The following TRIM38 variants were observed in gnomAD, a reference collection of about 807,000 sequenced individuals.
TRIM38 encodes tripartite motif containing 38, also known as E3 ubiquitin-protein ligase TRIM38.
TRIM38 carries 35 observed loss-of-function variants against 35.8 expected under a neutral mutation model. The observed-to-expected ratio is 0.98, with a 90% CI of 0.75 to 1.30. TRIM38 has a LOEUF of 1.30. Among genes scored for constraint, TRIM38 ranks in the 50% most tolerant of loss-of-function variants. The pLI, the probability that TRIM38 is intolerant of heterozygous loss-of-function variation, is 0.00. For missense variants in TRIM38, 545 were observed against 556.9 expected (o/e 0.98, Z 0.21); for synonymous variants, 198 against 204.7 (o/e 0.97, Z 0.28).
Position 25,985,277 on chromosome 6 carries a change from G to C in TRIM38, c.*1590G>C, listed in dbSNP as rs1041277490. 1.5e-5 allele frequency: 2 copies of C among 131,272 alleles called. No homozygotes were observed. The highest frequency in any genetic ancestry group is 5.9e-5 in the African/African-American group (2 of 34,096). The allele number at this position is 131,272 out of a possible 1,614,324, so 8.1% of individuals were successfully genotyped here. ...TCTTATCAGCCTGGACATAGCACCA[G>C]AGAAGTCTTTTTTTTTAAAAAAAAA... On this transcript the variant is annotated 3_prime_UTR_variant, in exon 8 of 8. Transcript: ENST00000357085.
At position 25,985,761 on chromosome 6, in the gene TRIM38, G is replaced by A. The variant is rs1048203412; in HGVS notation, c.*2074G>A. The stretch of plus-strand genomic sequence containing the variant: ...CTTCTCTACCTCTTGGCATCCCACA[G>A]TCCTGTGTTAATGTAAGTGTGGTCT... On this transcript the variant is annotated 3_prime_UTR_variant, in exon 8 of 8. Transcript: ENST00000357085. 18 of 152,178 alleles carry A rather than the reference G, an allele frequency of 1.2e-4. No homozygotes were observed. Among genetic ancestry groups the A allele is most frequent in the African/African-American group, 4.3e-4 (18 of 41,436 alleles). The allele number at this position is 152,178 out of a possible 1,614,324, so 9.4% of individuals were successfully genotyped here.
At chr6:25,967,524 CTTTT>C (rs34579913) in intron 3 of TRIM38, among the ~76,000 whole-genome samples, 6 of 90,892 alleles carry the variant, frequency 6.6e-5, no homozygotes, top group African/African-American at 2.4e-4. Flanking sequence ...GGTACCTCTA[CTTTT>C]TTTTTTTTTT....
intron 3 of TRIM38, among the ~76,000 whole-genome samples, chr6:25,968,125 T>C (rs1016737804): frequency 6.6e-6 from 1 of 152,142 alleles, no homozygotes; most frequent in African/African-American, 2.4e-5. Flanking sequence ...AAATGTTGTC[T>C]CCAGTGTCAG....
Position 25,989,288 on chromosome 6 carries a change from T to C in TRIM38, c.*5601T>C, listed in dbSNP as rs1760789862. 6.6e-6 allele frequency: 1 copy of C among 152,198 alleles called. No homozygotes were observed. The highest frequency in any genetic ancestry group is 2.1e-4 in the South Asian group (1 of 4,836). 9.4% of individuals were successfully genotyped at this position (152,198 alleles called of 1,614,324 possible). ...AAGTATTCTTTGTATATTCTAAAAA[T>C]ATTGTTCTTCATCAGATCTGTCTTT... On this transcript the variant is annotated 3_prime_UTR_variant, in exon 8 of 8. Coordinates refer to ENST00000357085, the MANE Select transcript of TRIM38 (RefSeq NM_006355.5).
At position 25,989,982 on chromosome 6, in the gene TRIM38, C is replaced by A. The variant is rs1760801622; in HGVS notation, c.*6295C>A. On this transcript the variant is annotated 3_prime_UTR_variant, in exon 8 of 8. Transcript: ENST00000357085. ...TTCACTATGTATTTGCAGAAAATGG[C>A]TTTCAATATTGTCTACTTTATCATC... 1 of 148,714 alleles carries A rather than the reference C, an allele frequency of 6.7e-6. No homozygotes were observed. Among genetic ancestry groups the A allele is most frequent in the Non-Finnish European group, 1.5e-5 (1 of 67,468 alleles). 9.2% of individuals were successfully genotyped at this position (148,714 alleles called of 1,614,324 possible). A position where few individuals can be genotyped will look rare whatever the true frequency, so the allele number is the denominator to read the frequency against.
chr6:25,975,590 A>G (rs943635268), intron 7 of TRIM38: 1 of 980,044 alleles, frequency 1.0e-6, no homozygotes, highest in Non-Finnish European at 1.2e-6. Context: ...AGATGCAACA[A>G]ATACATTTTA....
intron 7 of TRIM38, among the ~76,000 whole-genome samples, chr6:25,979,765 A>G (rs1383121303): frequency 6.6e-6 from 1 of 151,700 alleles, no homozygotes; most frequent in East Asian, 1.9e-4. Flanking sequence ...TCTTTTTAAA[A>G]TTTAAATTAG....
At position 25,990,989 on chromosome 6, in the gene TRIM38, C is replaced by T. The variant is rs372486524; in HGVS notation, c.*7302C>T. On this transcript the variant is annotated 3_prime_UTR_variant, in exon 8 of 8. Coordinates refer to ENST00000357085, the MANE Select transcript of TRIM38 (RefSeq NM_006355.5). ...GAGAATAGAAGAGTCCTTCAGGCCC[C>T]TCCAAACTGTCATATTCCGGGCATC... 1 of 152,280 alleles carries T rather than the reference C, an allele frequency of 6.6e-6. No homozygotes were observed. The highest frequency in any genetic ancestry group is 2.4e-5 in the African/African-American group (1 of 41,548). 9.4% of individuals were successfully genotyped at this position (152,280 alleles called of 1,614,324 possible). A position where few individuals can be genotyped will look rare whatever the true frequency, so the allele number is the denominator to read the frequency against.
chr6:25,974,434 C>T (rs918362043), intron 7 of TRIM38, among the ~76,000 whole-genome samples: 6 of 152,094 alleles, frequency 3.9e-5, no homozygotes, highest in East Asian at 3.9e-4. Flanking sequence ...CATAATGAAA[C>T]GTAATCATAG....
chr6:25,966,489 C>G lies in TRIM38; in HGVS notation c.-34C>G, dbSNP rs1486696376. 2 of 1,552,548 alleles carry G rather than the reference C, an allele frequency of 1.3e-6. No homozygotes were observed. The highest frequency in any genetic ancestry group is 1.7e-6 in the Non-Finnish European group (2 of 1,151,218). ...AATTCTGGCTGCTTCATCTCCATCT[C>G]TAGAGCCAATATTGGAGCTTTTCAA... On this transcript the variant is annotated 5_prime_UTR_variant, in exon 3 of 8. Transcript: ENST00000357085.
At chr6:25,970,471 C>A (rs1465493759) in intron 4 of TRIM38, among the ~76,000 whole-genome samples, 1 of 152,152 alleles carries the variant, frequency 6.6e-6, no homozygotes, top group Non-Finnish European at 1.5e-5. Flanking sequence ...AAGCTGATTA[C>A]CAATTTTCTC....
In TRIM38 at chr6:25,971,849, C is replaced by G. The variant is rs781155931; in HGVS notation, c.508-20C>G. The stretch of plus-strand genomic sequence containing the variant: ...CATTTGGTTTACTTCCACCTTTTGA[C>G]CATACTTTCTTGACTCCAGGAGAAG... On this transcript the variant is annotated intron_variant, in intron 4 of 7. Coordinates refer to ENST00000357085, the MANE Select transcript of TRIM38 (RefSeq NM_006355.5). 6.2e-7 allele frequency: 1 copy of G among 1,604,138 alleles called. No homozygotes were observed. Among genetic ancestry groups the G allele is most frequent in the African/African-American group, 1.3e-5 (1 of 74,608 alleles).
At chr6:25,969,554 C>G in intron 4 of TRIM38, 134 bp downstream of exon 4, 1 of 667,700 alleles carries the variant, frequency 1.5e-6, no homozygotes, top group Non-Finnish European at 2.4e-6. Context: ...AAGGAAGAAA[C>G]CATTATTTGT....
At chr6:25,963,502 T>C (rs913175519) in intron 2 of TRIM38, among the ~76,000 whole-genome samples, 1 of 152,106 alleles carries the variant, frequency 6.6e-6, no homozygotes, top group Non-Finnish European at 1.5e-5. Context: ...CCCCATCTTC[T>C]TTCTGCCTTC....
In TRIM38 at chr6:25,974,935, G is replaced by A. The variant is rs193110897; in HGVS notation, c.874+1650G>A. Reference sequence around the variant, plus strand: ...GAAGGAAGAACAAGACTTTGTGTAAGTTTTGCTGGGATTTCACTGAGTCAA... The same window carrying A: ...GAAGGAAGAACAAGACTTTGTGTAAATTTTGCTGGGATTTCACTGAGTCAA... On this transcript the variant is annotated intron_variant, in intron 7 of 7. Transcript: ENST00000357085. 1.6e-3 allele frequency: 1,581 copies of A among 985,298 alleles called. 2 individuals are homozygous for A. In the African/African-American group the frequency reaches 0.016, roughly 10 times the overall value. 61.0% of individuals were successfully genotyped at this position (985,298 alleles called of 1,614,324 possible).
intron 7 of TRIM38, 21 bp downstream of exon 7, chr6:25,973,306 C>T (rs1181382243): frequency 6.2e-7 from 1 of 1,610,538 alleles, no homozygotes; most frequent in Non-Finnish European, 8.5e-7. Flanking sequence ...TAAAGAATTC[C>T]TGAATACTGT....
intron 4 of TRIM38, among the ~76,000 whole-genome samples, chr6:25,971,316 T>C (rs1760218962): frequency 1.3e-5 from 2 of 152,166 alleles, no homozygotes. Flanking sequence ...CTCTTCCACA[T>C]CTGAGTGCCT....
At chr6:25,965,937 AAGTT>A (rs1421601851) in intron 2 of TRIM38, among the ~76,000 whole-genome samples, 5 of 151,922 alleles carry the variant, frequency 3.3e-5, no homozygotes, top group Non-Finnish European at 7.4e-5. Flanking sequence ...AAAAAAAAAA[AAGTT>A]AGAAGACTGA....
rs1317775475 is a variant in TRIM38 at position 25,986,361 on chromosome 6, A to C, written c.*2674A>C. 3 of 152,066 alleles carry C rather than the reference A, an allele frequency of 2.0e-5. No homozygotes were observed. The highest frequency in any genetic ancestry group is 7.2e-5 in the African/African-American group (3 of 41,410). 9.4% of individuals were successfully genotyped at this position (152,066 alleles called of 1,614,324 possible). On this transcript the variant is annotated 3_prime_UTR_variant, in exon 8 of 8. Transcript: ENST00000357085. The stretch of plus-strand genomic sequence containing the variant: ...GGGCAAGGCTCCCATCTCTAAAAGA[A>C]AAGAAATTAGCTGGGCATGGTGGCA...
Sources: allele counts gnomAD v4.1 joint callset (sites outside exome capture counted in the v4.1 genomes callset), GRCh38; gene constraint gnomAD v4.1.1; transcripts MANE v1.5; gene names NCBI Gene and HGNC (gene_info 2026-07-23, HGNC 2026-07-21).